Variants in CEP192 observed in about 807,000 individuals in gnomAD.
CEP192 encodes centrosomal protein of 192 kDa.
CEP192 carries 151 observed loss-of-function variants against 271.8 expected under a neutral mutation model. The ratio of observed to expected loss-of-function variants is 0.56; its 90% CI spans 0.49 to 0.64. The LOEUF is 0.64. CEP192 is among the 30% of genes least tolerant of loss of function. CEP192 has a pLI of 0.00. For synonymous variants in CEP192, 995 were observed against 1,076.5 expected, an observed-to-expected ratio of 0.92 and a Z score of 1.48; for missense variants, 2,910 against 3,020.5, an observed-to-expected ratio of 0.96 and a Z score of 0.86.
At chr18:13,042,100 A>T in intron 14 of CEP192, 104 bp from the exon 15 acceptor site, 1 of 866,136 alleles carries the variant, frequency 1.2e-6, no homozygotes. Flanking sequence ...GGGTACAAAG[A>T]CATCTTCCTT....
chr18:13,076,584 C>CCTAAGAAATCTTAGGTATAAGTATA (rs1440066210), intron 30 of CEP192, among the ~76,000 whole-genome samples: 2 of 152,144 alleles, frequency 1.3e-5, no homozygotes, highest in African/African-American at 4.8e-5. Context: ...AAAATATAGG[C>CCTAAGAAATCTTAGGTATAAGTATA]AGAATACTTA....
intron 11 of CEP192, among the ~76,000 whole-genome samples, chr18:13,031,392 C>T (rs1298390224): frequency 6.6e-6 from 1 of 151,732 alleles, no homozygotes; most frequent in East Asian, 1.9e-4. Context: ...GGACTACAGG[C>T]ACCTGCCACT....
At chr18:13,023,418 G>T (rs2035105806) in intron 9 of CEP192, among the ~76,000 whole-genome samples, 1 of 148,812 alleles carries the variant, frequency 6.7e-6, no homozygotes, top group African/African-American at 2.5e-5. Flanking sequence ...AGTTGAGAAT[G>T]TTTCTCTCTC....
chr18:12,992,627 C>T (rs748977504), intron 1 of CEP192, among the ~76,000 whole-genome samples: 15 of 152,116 alleles, frequency 9.9e-5, no homozygotes, highest in Non-Finnish European at 1.9e-4. Context: ...AGGAAATTTC[C>T]TTTAGGAATG....
At chr18:13,075,508 G>A (rs1316932071) in intron 30 of CEP192, among the ~76,000 whole-genome samples, 1 of 152,132 alleles carries the variant, frequency 6.6e-6, no homozygotes, top group East Asian at 1.9e-4. Context: ...GGAGGTTGCA[G>A]TGAGCCGAGA....
intron 30 of CEP192, among the ~76,000 whole-genome samples, chr18:13,079,552 G>C (rs9963178): frequency 0.036 from 5,485 of 152,126 alleles, 314 homozygotes; most frequent in African/African-American, 0.12. Context: ...TTGACAGATG[G>C]GTAGATTAAA....
chr18:13,037,629 C>G (rs2035985084), intron 12 of CEP192, among the ~76,000 whole-genome samples: 2 of 152,148 alleles, frequency 1.3e-5, no homozygotes, highest in Admixed American at 1.3e-4. Flanking sequence ...GATCATAGTT[C>G]ACTGCAGCCT....
chr18:13,112,991 A>G (rs1390207917), intron 40 of CEP192, among the ~76,000 whole-genome samples: 1 of 152,248 alleles, frequency 6.6e-6, no homozygotes, highest in Admixed American at 6.5e-5. Flanking sequence ...CAGTTTTCTC[A>G]TGATTGAGCT....
rs945336241 is a variant in CEP192, at chr18:13,051,984, G to T, written c.3018-935G>T. 1.1e-4 allele frequency among the ~76,000 whole-genome samples: 17 copies of T among 152,334 alleles called. No homozygotes were observed. In the East Asian group the frequency reaches 3.3e-3, roughly 29 times the overall value. ...TGAAGGGCTGAATTCAAGCTAACTGGCAGAGCATAGGTGTGGAGACTGTTT... is the reference window on the plus strand; with the variant it reads ...TGAAGGGCTGAATTCAAGCTAACTGTCAGAGCATAGGTGTGGAGACTGTTT... On this transcript the variant is annotated intron_variant, in intron 17 of 44. Coordinates refer to ENST00000506447, the MANE Select transcript of CEP192 (RefSeq NM_032142.4).
chr18:13,063,633 G>A (rs1172572532), intron 21 of CEP192, among the ~76,000 whole-genome samples: 2 of 151,976 alleles, frequency 1.3e-5, no homozygotes, highest in African/African-American at 2.4e-5. Flanking sequence ...TGTCAGATGG[G>A]TAGTTTGCAA....
At position 13,064,857 on chromosome 18, in the gene CEP192, A is replaced by G. The variant is rs1056043556; in HGVS notation, c.4489-2974A>G. ...GTAAATTTTAAGATTTTGTTTTTCT[A>G]TTTCTGTGAGGTAGTATGGACGTTT... is the stretch of plus-strand genomic sequence containing the variant. On this transcript the variant is annotated intron_variant, in intron 21 of 44. Transcript: ENST00000506447. Among the ~76,000 whole-genome samples the G allele has an allele frequency of 8.6e-5, 13 of 151,772 alleles. 1 individual carries two copies. The highest frequency in any genetic ancestry group is 7.2e-4 in the Admixed American group (11 of 15,214).
chr18:13,030,678 A>G, intron 11 of CEP192, 70 bp downstream of exon 11: 5 of 1,275,356 alleles, frequency 3.9e-6, no homozygotes, highest in Non-Finnish European at 4.4e-6. Context: ...TACTGTGTAT[A>G]TGTTGGTCAG....
At chr18:13,022,222 C>T (rs965938292) in intron 9 of CEP192, among the ~76,000 whole-genome samples, 1 of 151,846 alleles carries the variant, frequency 6.6e-6, no homozygotes, top group Non-Finnish European at 1.5e-5. Flanking sequence ...TTCTGCTGAT[C>T]TGTTTGTTCT....
rs1361136411 is a variant in CEP192 at position 13,055,925 on chromosome 18, C to T, written c.3335C>T (p.Ser1112Phe). ...GTLSSIIQNN[S>F]DTRKATETTS... ...TTATCATCTATTATCCAGAATAACT[C>T]TGATACAAGAAAAGCAACTGAAACT... is the stretch of plus-strand genomic sequence containing the variant. Residue 1112 changes from serine to phenylalanine, a missense_variant, in exon 19 of 45, where the codon TCT (serine) becomes TTT (phenylalanine). Physicochemically the swap from Ser to Phe is radical, Grantham distance 155. Coordinates refer to ENST00000506447, the MANE Select transcript of CEP192 (RefSeq NM_032142.4). 1.1e-5 allele frequency: 18 copies of T among 1,614,010 alleles called. No individual in the cohort carries two copies. The highest frequency in any genetic ancestry group is 2.7e-5 in the African/African-American group (2 of 74,916).
intron 27 of CEP192, among the ~76,000 whole-genome samples, chr18:13,070,205 G>C (rs2037939107): frequency 6.6e-6 from 1 of 151,896 alleles, no homozygotes; most frequent in South Asian, 2.1e-4. Context: ...TCTCAAAACA[G>C]CCACTCACAT....
In CEP192 at chr18:13,057,634, C is replaced by T. The variant is rs368634923; in HGVS notation, c.4158C>T (p.Val1386=). The change falls in exon 20 of 45, where the codon GTC becomes GTT. Residue 1386 remains valine, a synonymous_variant. Transcript: ENST00000506447. ...EELKLPHACC[V]GIASQTLLSV... ...TGAAGCTTCCTCATGCTTGCTGTGT[C>T]GGGATCGCTTCCCAGACCCTCCTCA... 30 of 1,614,018 alleles carry T rather than the reference C, an allele frequency of 1.9e-5. No homozygotes were observed. Among genetic ancestry groups the T allele is most frequent in the Middle Eastern group, 1.6e-4 (1 of 6,080 alleles).
chr18:13,041,433 A>G (rs1817148589), intron 14 of CEP192, among the ~76,000 whole-genome samples: 1 of 152,132 alleles, frequency 6.6e-6, no homozygotes, highest in African/African-American at 2.4e-5. Flanking sequence ...AAGTTGTATA[A>G]GATATGCTGC....
At chr18:13,088,516 T>C (rs559518508) in intron 32 of CEP192, among the ~76,000 whole-genome samples, 1 of 152,306 alleles carries the variant, frequency 6.6e-6, no homozygotes, top group Non-Finnish European at 1.5e-5. Flanking sequence ...ATTTAGGATG[T>C]TGATTTAAGT....
At chr18:13,089,715 C>G in intron 33 of CEP192, 150 bp downstream of exon 33, 1 of 517,036 alleles carries the variant, frequency 1.9e-6, no homozygotes, top group Non-Finnish European at 3.5e-6. Context: ...TGAGTTTGAA[C>G]AAATTACATC....
Sources: gnomAD v4.1 joint callset for allele counts (sites outside exome capture counted in the v4.1 genomes callset) on GRCh38, gnomAD v4.1.1 for gene constraint, MANE v1.5 for transcripts, NCBI Gene and HGNC (gene_info 2026-07-23, HGNC 2026-07-21) for gene names.